Variants in GRIK1 observed in about 807,000 individuals in gnomAD.
The protein encoded by GRIK1 is glutamate ionotropic receptor kainate type subunit 1.
A neutral mutation model predicts 105.7 loss-of-function variants in GRIK1; 69 were observed. That is an observed-to-expected ratio of 0.65 (90% CI 0.54 to 0.80). GRIK1 has a LOEUF of 0.80. Among genes scored for constraint, GRIK1 ranks in the 30% least tolerant of loss-of-function variants. The pLI is 0.00. For synonymous variants in GRIK1, 438 were observed against 431.3 expected (o/e 1.02, Z -0.19); for missense variants, 1,109 against 1,167.3 (o/e 0.95, Z 0.73).
intron 1 of GRIK1, among the ~76,000 whole-genome samples, chr21:29,889,266 C>G (rs776314273): frequency 6.6e-6 from 1 of 152,022 alleles, no homozygotes; most frequent in Non-Finnish European, 1.5e-5. Flanking sequence ...AGTATTTTTT[C>G]TTAAAGGTTA....
intron 1 of GRIK1, among the ~76,000 whole-genome samples, chr21:29,792,546 G>A (rs1037141571): frequency 6.6e-6 from 1 of 152,212 alleles, no homozygotes; most frequent in African/African-American, 2.4e-5. Context: ...CAAGTACGCA[G>A]TAGGCACTCC....
At chr21:29,629,186 A>G (rs2062200375) in intron 7 of GRIK1, among the ~76,000 whole-genome samples, 1 of 141,406 alleles carries the variant, frequency 7.1e-6, no homozygotes, top group African/African-American at 2.9e-5. Flanking sequence ...TAAATGAGGA[A>G]AGGAGAAATG....
chr21:29,626,880 A>G (rs905594619), intron 7 of GRIK1, among the ~76,000 whole-genome samples: 4 of 152,204 alleles, frequency 2.6e-5, no homozygotes, highest in African/African-American at 9.6e-5. Flanking sequence ...TTCCATTAGC[A>G]ATGCAGTATT....
intron 4 of GRIK1, among the ~76,000 whole-genome samples, chr21:29,667,614 T>A (rs2063085742): frequency 6.6e-6 from 1 of 151,920 alleles, no homozygotes; most frequent in South Asian, 2.1e-4. Context: ...GGAGAAAAAA[T>A]CTCCCTCAAT....
At chr21:29,734,421 CT>C (rs2064729068) in intron 1 of GRIK1, among the ~76,000 whole-genome samples, 1 of 17,196 alleles carries the variant, frequency 5.8e-5, no homozygotes, top group African/African-American at 1.0e-4. Context: ...CTTTTCTTTT[CT>C]TTTTGAGACA....
intron 1 of GRIK1, among the ~76,000 whole-genome samples, chr21:29,778,045 A>G (rs2065994961): frequency 6.6e-6 from 1 of 152,160 alleles, no homozygotes; most frequent in Non-Finnish European, 1.5e-5. Flanking sequence ...TAAGAATAAA[A>G]ACGTATCTGA....
At chr21:29,768,597 T>C (rs1299811321) in intron 1 of GRIK1, among the ~76,000 whole-genome samples, 2 of 152,184 alleles carry the variant, frequency 1.3e-5, no homozygotes, top group African/African-American at 4.8e-5. Flanking sequence ...AATGGCACCA[T>C]GGGTGTTAAT....
chr21:29,795,027 AATT>A (rs1304686982), intron 1 of GRIK1, among the ~76,000 whole-genome samples: 5 of 82,152 alleles, frequency 6.1e-5, no homozygotes, highest in Non-Finnish European at 9.5e-5. Flanking sequence ...CTTTGCTCTA[AATT>A]TTTTTTTTTT....
In GRIK1 at chr21:29,734,867, C is replaced by T. The variant is rs183390266; in HGVS notation, c.119-40804G>A. On this transcript the variant is annotated intron_variant, in intron 1 of 17. Transcript: ENST00000327783. ...TTTTGCCTTCTTGGGATTCTTCTCA[C>T]ACATCAGAGAACCTGCCTCAGTGCA... Among the ~76,000 whole-genome samples the T allele has an allele frequency of 2.6e-5, 4 of 152,330 alleles. No individual in the cohort carries two copies. In the East Asian group the frequency reaches 7.7e-4, roughly 29 times the overall value.
At chr21:29,696,733 A>C (rs2063708851) in intron 1 of GRIK1, among the ~76,000 whole-genome samples, 1 of 152,322 alleles carries the variant, frequency 6.6e-6, no homozygotes, top group East Asian at 1.9e-4. Context: ...GGGGAGACCA[A>C]GGCATCTTTA....
At chr21:29,803,310 AATTT>A (rs752110290) in intron 1 of GRIK1, among the ~76,000 whole-genome samples, 8 of 152,192 alleles carry the variant, frequency 5.3e-5, no homozygotes, top group Non-Finnish European at 8.8e-5. Flanking sequence ...CTGCAGGGTT[AATTT>A]ATTCATCTTT....
intron 1 of GRIK1, among the ~76,000 whole-genome samples, chr21:29,860,861 T>A (rs1352247096): frequency 6.6e-6 from 1 of 152,178 alleles, no homozygotes; most frequent in African/African-American, 2.4e-5. Flanking sequence ...AGATTGAGTA[T>A]GATATAAATA....
chr21:29,792,532 A>G (rs1268200860), intron 1 of GRIK1, among the ~76,000 whole-genome samples: 4 of 152,240 alleles, frequency 2.6e-5, no homozygotes, highest in Admixed American at 2.0e-4. Flanking sequence ...AGCAAGTTTC[A>G]TCCCAAGTAC....
intron 1 of GRIK1, among the ~76,000 whole-genome samples, chr21:29,812,309 T>C (rs181049297): frequency 6.6e-6 from 1 of 152,274 alleles, no homozygotes; most frequent in Non-Finnish European, 1.5e-5. Flanking sequence ...GTGGGGATGT[T>C]CTAATTATGC....
intron 1 of GRIK1, among the ~76,000 whole-genome samples, chr21:29,765,391 T>A (rs940100520): frequency 1.3e-5 from 2 of 152,140 alleles, no homozygotes; most frequent in African/African-American, 4.8e-5. Context: ...TCTTTTTTAT[T>A]TTTATTTTTC....
intron 1 of GRIK1, among the ~76,000 whole-genome samples, chr21:29,697,055 T>G (rs1306746164): frequency 2.6e-5 from 4 of 152,238 alleles, no homozygotes; most frequent in African/African-American, 9.6e-5. Flanking sequence ...ATCCTGCTTA[T>G]TCAAAATCAC....
chr21:29,890,531 G>A (rs990861548), intron 1 of GRIK1, among the ~76,000 whole-genome samples: 9 of 152,102 alleles, frequency 5.9e-5, no homozygotes, highest in African/African-American at 2.2e-4. Flanking sequence ...TTTGAAGTCT[G>A]TGTAATTGTA....
intron 3 of GRIK1, among the ~76,000 whole-genome samples, chr21:29,677,879 G>A (rs1168038717): frequency 1.3e-5 from 2 of 152,154 alleles, no homozygotes; most frequent in Non-Finnish European, 2.9e-5. Context: ...TGATGCATGA[G>A]TCCCCTCTAC....
At chr21:29,587,964 CTT>C (rs568648777) in intron 11 of GRIK1, among the ~76,000 whole-genome samples, 1,478 of 65,108 alleles carry the variant, frequency 0.023, 4 homozygotes, top group African/African-American at 0.093. Context: ...CTTTAAAATT[CTT>C]TTTTTTTTTT....
Sources: allele counts gnomAD v4.1 joint callset (sites outside exome capture counted in the v4.1 genomes callset), GRCh38; gene constraint gnomAD v4.1.1; transcripts MANE v1.5; gene names NCBI Gene and HGNC (gene_info 2026-07-23, HGNC 2026-07-21).